SHTN1: variants seen among roughly 807,000 people sequenced by gnomAD.
SHTN1 encodes shootin 1.
A neutral mutation model predicts 83.1 loss-of-function variants in SHTN1; 42 were observed. The observed-to-expected ratio is 0.51, with a 90% CI of 0.39 to 0.65. SHTN1 has a LOEUF of 0.65. Among genes scored for constraint, SHTN1 ranks in the 30% least tolerant of loss-of-function variants. The pLI is 0.00. For synonymous variants in SHTN1, 224 were observed against 247.7 expected, an observed-to-expected ratio of 0.90 and a Z score of 0.90; for missense variants, 622 against 737.8, an observed-to-expected ratio of 0.84 and a Z score of 1.82.
chr10:117,037,090 G>A (rs1852509020), intron 2 of SHTN1, among the ~76,000 whole-genome samples: 1 of 152,138 alleles, frequency 6.6e-6, no homozygotes, highest in African/African-American at 2.4e-5. Context: ...ATATACGAAA[G>A]TCAATCACTT....
intron 1 of SHTN1, among the ~76,000 whole-genome samples, chr10:117,058,644 T>C (rs1023137783): frequency 6.6e-5 from 10 of 152,134 alleles, no homozygotes. Context: ...ATACACCAAT[T>C]CCACTTCTGA....
rs1847145146 is a variant in SHTN1, at chr10:116,885,717, C to A, written c.*627G>T. ...CATCCCCACGGAGGTCCTCGGGAGG[C>A]TTTGGACACAATCAATAGCATGTAT... On this transcript the variant is annotated 3_prime_UTR_variant, in exon 17 of 17. Coordinates refer to ENST00000355371, the MANE Select transcript of SHTN1 (RefSeq NM_001127211.3). 1 of 152,368 alleles carries A rather than the reference C, an allele frequency of 6.6e-6. No homozygotes were observed. Among genetic ancestry groups the A allele is most frequent in the Non-Finnish European group, 1.5e-5 (1 of 68,192 alleles). 9.4% of individuals were successfully genotyped at this position (152,368 alleles called of 1,614,324 possible). A position where few individuals can be genotyped will look rare whatever the true frequency, so the allele number is the denominator to read the frequency against.
At position 117,090,286 on chromosome 10, in the gene SHTN1, G is replaced by C. The variant is rs184734760; in HGVS notation, c.-189+36021C>G. On this transcript the variant is annotated intron_variant, in intron 1 of 17. Transcript: ENST00000392901. The stretch of plus-strand genomic sequence containing the variant: ...ATGGATGAACCTTAAAGGACACTAA[G>C]TCAGTTTAAATAAGCCAGTCACAAA... 2.5e-3 allele frequency among the ~76,000 whole-genome samples: 388 copies of C among 152,272 alleles called. 3 individuals are homozygous for C. Among genetic ancestry groups the C allele is most frequent in the African/African-American group, 8.9e-3 (371 of 41,552 alleles).
chr10:117,097,028 T>G (rs61873042), intron 1 of SHTN1, among the ~76,000 whole-genome samples: 3 of 98,536 alleles, frequency 3.0e-5, no homozygotes, highest in East Asian at 3.0e-4. Flanking sequence ...CACACACACA[T>G]AGACACACAC....
chr10:116,994,759 A>C (rs1307535015), intron 1 of SHTN1, among the ~76,000 whole-genome samples: 1 of 152,048 alleles, frequency 6.6e-6, no homozygotes, highest in Non-Finnish European at 1.5e-5. Flanking sequence ...GATTGTTTTG[A>C]ATCTTTTTTA....
At chr10:116,993,236 C>T (rs988600291) in intron 1 of SHTN1, among the ~76,000 whole-genome samples, 9 of 151,906 alleles carry the variant, frequency 5.9e-5, no homozygotes, top group Admixed American at 3.9e-4. Flanking sequence ...AGGATGGTCT[C>T]GATCTCCTGA....
chr10:116,960,409 G>A (rs1850143978), intron 3 of SHTN1, 179 bp from the exon 4 acceptor site: 1 of 484,436 alleles, frequency 2.1e-6, no homozygotes, highest in South Asian at 4.2e-5. Flanking sequence ...ATATTTGAAT[G>A]TAGAAAGAAA....
At chr10:116,917,460 C>T (rs555535684) in intron 12 of SHTN1, among the ~76,000 whole-genome samples, 24 of 152,222 alleles carry the variant, frequency 1.6e-4, no homozygotes, top group African/African-American at 3.1e-4. Context: ...AGCGTCACTA[C>T]GCCCAGCTAA....
At chr10:116,917,618 G>T (rs1469042038) in intron 12 of SHTN1, among the ~76,000 whole-genome samples, 1 of 152,190 alleles carries the variant, frequency 6.6e-6, no homozygotes, top group Non-Finnish European at 1.5e-5. Flanking sequence ...ACTCTGTAAG[G>T]AATGACTGAA....
chr10:117,005,220 T>A, upstream of SHTN1: 2 of 1,505,288 alleles, frequency 1.3e-6, no homozygotes, highest in Non-Finnish European at 1.8e-6. Flanking sequence ...CTCCTCCTCC[T>A]GGCGCGGAGC....
chr10:117,048,606 G>T, intron 1 of SHTN1: 2 of 314,064 alleles, frequency 6.4e-6, no homozygotes, highest in Non-Finnish European at 9.2e-6. Flanking sequence ...TCTGAAATGT[G>T]TTCAGACTCC....
intron 2 of SHTN1, among the ~76,000 whole-genome samples, chr10:117,044,841 A>G (rs1161184719): frequency 1.3e-5 from 2 of 152,192 alleles, no homozygotes; most frequent in Admixed American, 6.5e-5. Context: ...ATTTTCAATG[A>G]AAGTCCTAAT....
At chr10:116,900,272 A>G (rs1414104997) in intron 16 of SHTN1, 2 of 469,962 alleles carry the variant, frequency 4.3e-6, no homozygotes, top group Non-Finnish European at 7.6e-6. Flanking sequence ...CTTTAAGTAG[A>G]TAAATTAAAC....
chr10:117,008,375 C>A (rs1235185604), upstream of SHTN1, among the ~76,000 whole-genome samples: 1 of 151,954 alleles, frequency 6.6e-6, no homozygotes, highest in Non-Finnish European at 1.5e-5. Flanking sequence ...GATTGAAATA[C>A]AATGAGGAGA....
At chr10:117,093,997 A>G (rs1171579962) in intron 1 of SHTN1, among the ~76,000 whole-genome samples, 1 of 152,176 alleles carries the variant, frequency 6.6e-6, no homozygotes, top group Non-Finnish European at 1.5e-5. Flanking sequence ...TTTTTGAGAA[A>G]CAAATTTGAT....
At chr10:117,036,323 A>G (rs1852496275) in intron 2 of SHTN1, among the ~76,000 whole-genome samples, 1 of 152,250 alleles carries the variant, frequency 6.6e-6, no homozygotes, top group African/African-American at 2.4e-5. Flanking sequence ...TATTAAAGAC[A>G]TATCTGCACT....
chr10:116,905,074 G>A (rs1015627327), intron 15 of SHTN1, among the ~76,000 whole-genome samples: 10 of 151,748 alleles, frequency 6.6e-5, no homozygotes, highest in South Asian at 2.1e-4. Flanking sequence ...GGTGGCGGGC[G>A]CCTGTAGTCC....
chr10:117,060,290 C>T (rs1224548578), intron 1 of SHTN1, among the ~76,000 whole-genome samples: 3 of 151,988 alleles, frequency 2.0e-5, no homozygotes, highest in Non-Finnish European at 2.9e-5. Flanking sequence ...TATGCTAACA[C>T]ATAGTGGGTT....
rs1317954254 is a variant in SHTN1, at chr10:116,954,087, C to T, written c.391G>A (p.Ala131Thr). The change falls in exon 5 of 17, where the codon GCC becomes ACC. Residue 131 changes from alanine to threonine, a missense_variant. Around this residue, in one of 3 missense-constraint regions of SHTN1, gnomAD observed 383 missense variants for 455.8 expected, o/e 0.84. Transcript: ENST00000355371. ...TGTACTGAGACACAAGTCTCGGCGG[C>T]ACCGTCTGTGTCTGTAGTCGAATCT... The part of the protein sequence containing the change: ...DEDSTTDTDG[A>T]AETCVSVQCQ... 1.9e-6 allele frequency: 3 copies of T among 1,613,632 alleles called. No individual in the cohort carries two copies. The highest frequency in any genetic ancestry group is 1.7e-5 in the Admixed American group (1 of 59,938).
Sources: allele counts gnomAD v4.1 joint callset (sites outside exome capture counted in the v4.1 genomes callset), GRCh38; gene constraint gnomAD v4.1.1; regional missense constraint gnomAD v4.1.1; transcripts MANE v1.5; gene names NCBI Gene and HGNC (gene_info 2026-07-23, HGNC 2026-07-21).